CNTN4: variants seen among roughly 807,000 people sequenced by gnomAD.
CNTN4 encodes contactin 4.
CNTN4 carries 77 observed loss-of-function variants against 122.5 expected under a neutral mutation model. That is an observed-to-expected ratio of 0.63 (90% CI 0.52 to 0.76). The LOEUF (loss-of-function observed/expected upper bound fraction) is 0.76, where lower values mean the gene tolerates loss of function less well. Ranked by LOEUF, CNTN4 falls within the 30% of genes least tolerant of loss-of-function variation. The pLI, the probability that CNTN4 is intolerant of heterozygous loss-of-function variation, is 0.00. For synonymous variants in CNTN4, 512 were observed against 447.0 expected (o/e 1.15, Z -1.83); for missense variants, 1,256 against 1,259.1 (o/e 1.00, Z 0.04).
rs145618733 is a variant in CNTN4, at chr3:2,707,047, C to G, written c.56-29168C>G. 4.4e-3 allele frequency among the ~76,000 whole-genome samples: 664 copies of G among 152,094 alleles called. 4 individuals are homozygous for G. Among genetic ancestry groups the G allele is most frequent in the African/African-American group, 0.015 (639 of 41,478 alleles). ...CCACAGAGTGGCTCATGCTTGTAGT[C>G]CCAGCACTTTAGGAGGCCGAGGCAG... is the stretch of plus-strand genomic sequence containing the variant. On this transcript the variant is annotated intron_variant, in intron 4 of 24. Transcript: ENST00000418658.
intron 14 of CNTN4, 130 bp downstream of exon 14, chr3:2,988,602 G>A (rs1444710150): frequency 3.0e-5 from 28 of 924,552 alleles, no homozygotes; most frequent in Admixed American, 7.6e-5. Context: ...AATTCATCAC[G>A]GCAAACATGA....
intron 4 of CNTN4, among the ~76,000 whole-genome samples, chr3:2,606,283 C>G (rs557168056): frequency 6.6e-6 from 1 of 152,036 alleles, no homozygotes; most frequent in African/African-American, 2.4e-5. Flanking sequence ...ACAATATAAC[C>G]TAATTTGTCT....
intron 3 of CNTN4, among the ~76,000 whole-genome samples, chr3:2,466,707 G>T (rs901040893): frequency 2.0e-5 from 3 of 151,776 alleles, no homozygotes; most frequent in African/African-American, 7.3e-5. Flanking sequence ...TGATGAAGCT[G>T]GATTGTTTTG....
chr3:2,197,869 G>A (rs1243585400), intron 2 of CNTN4, among the ~76,000 whole-genome samples: 1 of 151,970 alleles, frequency 6.6e-6, no homozygotes, highest in Non-Finnish European at 1.5e-5. Context: ...ACAAAAATTA[G>A]CCAGGAGTGG....
intron 2 of CNTN4, among the ~76,000 whole-genome samples, chr3:2,179,820 A>C (rs918597973): frequency 2.3e-4 from 35 of 152,080 alleles, no homozygotes; most frequent in African/African-American, 7.9e-4. Flanking sequence ...AGCCAAATTT[A>C]CTTTTTCCAG....
In CNTN4 at chr3:2,234,774, T is replaced by A. The variant is rs1341689127; in HGVS notation, c.-144-104404T>A. Among the ~76,000 whole-genome samples the A allele has an allele frequency of 2.0e-5, 3 of 152,186 alleles. No homozygotes were observed. In the East Asian group the frequency reaches 5.8e-4, roughly 29 times the overall value. On this transcript the variant is annotated intron_variant, in intron 2 of 24. Transcript: ENST00000418658. Reference sequence around the variant, plus strand: ...ACAAAGAGCATATTTCTCTTTTACTTTTTTCTCTTCTCTTTTTCTCTTGTT... The same window carrying A: ...ACAAAGAGCATATTTCTCTTTTACTATTTTCTCTTCTCTTTTTCTCTTGTT...
intron 4 of CNTN4, among the ~76,000 whole-genome samples, chr3:2,636,940 G>GTTTTTTTTTTTTTTT (rs34067643): frequency 2.1e-5 from 2 of 95,112 alleles, no homozygotes; most frequent in Non-Finnish European, 3.9e-5. Context: ...TTTTTTTTTG[G>GTTTTTTTTTTTTTTT]TTTTTTTTTT....
chr3:2,431,696 G>T (rs773261829), intron 3 of CNTN4, among the ~76,000 whole-genome samples: 5 of 152,088 alleles, frequency 3.3e-5, no homozygotes, highest in Non-Finnish European at 5.9e-5. Context: ...CTGACCTCAG[G>T]GATATAGAAA....
chr3:2,205,013 C>G (rs1286346864), intron 2 of CNTN4, among the ~76,000 whole-genome samples: 1 of 151,984 alleles, frequency 6.6e-6, no homozygotes, highest in Non-Finnish European at 1.5e-5. Flanking sequence ...TTGGGAATTA[C>G]TTAGGTTTTG....
At chr3:2,566,784 A>C (rs951886826) in intron 3 of CNTN4, among the ~76,000 whole-genome samples, 1 of 152,188 alleles carries the variant, frequency 6.6e-6, no homozygotes, top group African/African-American at 2.4e-5. Context: ...TCCCAAAGTG[A>C]GGTAATTTGT....
chr3:2,569,892 G>A (rs916448651), intron 3 of CNTN4, among the ~76,000 whole-genome samples: 3 of 152,042 alleles, frequency 2.0e-5, no homozygotes, highest in African/African-American at 2.4e-5. Flanking sequence ...ATATCATATT[G>A]CAATTATATG....
At chr3:2,536,031 C>A (rs190746169) in intron 3 of CNTN4, among the ~76,000 whole-genome samples, 9 of 152,186 alleles carry the variant, frequency 5.9e-5, no homozygotes. Flanking sequence ...TTTTCTGTGT[C>A]ACAAAGAAAA....
At chr3:2,786,452 G>C (rs1169001375) in intron 6 of CNTN4, among the ~76,000 whole-genome samples, 1 of 152,120 alleles carries the variant, frequency 6.6e-6, no homozygotes, top group Non-Finnish European at 1.5e-5. Flanking sequence ...GCTTACCTGC[G>C]TGCTCCCTCA....
intron 13 of CNTN4, among the ~76,000 whole-genome samples, chr3:2,980,670 G>C (rs1194159547): frequency 2.6e-5 from 4 of 152,184 alleles, no homozygotes; most frequent in Non-Finnish European, 5.9e-5. Context: ...CACAAGGAGT[G>C]AGTTTAGAGC....
intron 4 of CNTN4, among the ~76,000 whole-genome samples, chr3:2,623,302 A>G (rs1180709325): frequency 6.9e-6 from 1 of 144,272 alleles, no homozygotes; most frequent in African/African-American, 2.6e-5. Flanking sequence ...TTGCCCATTC[A>G]TGGTCCATAT....
At chr3:2,785,812 G>A (rs2091788347) in intron 6 of CNTN4, among the ~76,000 whole-genome samples, 1 of 151,714 alleles carries the variant, frequency 6.6e-6, no homozygotes, top group African/African-American at 2.4e-5. Flanking sequence ...CCTCAAGCCT[G>A]GACTCATGGC....
At chr3:2,710,313 G>C (rs1265921785) in intron 4 of CNTN4, among the ~76,000 whole-genome samples, 1 of 152,188 alleles carries the variant, frequency 6.6e-6, no homozygotes, top group African/African-American at 2.4e-5. Flanking sequence ...CCAAATGTAA[G>C]AAGCAATTGG....
At chr3:2,488,060 A>G (rs1475254756) in intron 3 of CNTN4, among the ~76,000 whole-genome samples, 1 of 152,190 alleles carries the variant, frequency 6.6e-6, no homozygotes, top group African/African-American at 2.4e-5. Flanking sequence ...CCCTCAAAGC[A>G]ATTAAACTAT....
chr3:2,618,669 A>G (rs1267888273), intron 4 of CNTN4, among the ~76,000 whole-genome samples: 1 of 152,142 alleles, frequency 6.6e-6, no homozygotes, highest in Non-Finnish European at 1.5e-5. Flanking sequence ...CTCTGGAGTC[A>G]TTGCTCTTAT....
Sources: allele counts gnomAD v4.1 joint callset (sites outside exome capture counted in the v4.1 genomes callset), GRCh38; gene constraint gnomAD v4.1.1; transcripts MANE v1.5; gene names NCBI Gene and HGNC (gene_info 2026-07-23, HGNC 2026-07-21).